GSDMC: variants seen among roughly 807,000 people sequenced by gnomAD.
GSDMC encodes the protein gasdermin C, also known as gasdermin-C.
A neutral mutation model predicts 58.0 loss-of-function variants in GSDMC; 59 were observed. That is an observed-to-expected ratio of 1.02 (90% CI 0.82 to 1.26). GSDMC has a LOEUF of 1.26. Ranked by LOEUF, GSDMC falls within the 50% of genes most tolerant of loss-of-function variation. The pLI is 0.00. For missense variants in GSDMC, 659 were observed against 598.5 expected, an observed-to-expected ratio of 1.10 and a Z score of -1.06; for synonymous variants, 241 against 220.2, an observed-to-expected ratio of 1.09 and a Z score of -0.83.
chr8:129,747,183 G>A (rs1388180769), downstream of GSDMC, among the ~76,000 whole-genome samples: 1 of 151,956 alleles, frequency 6.6e-6, no homozygotes, highest in Non-Finnish European at 1.5e-5. Flanking sequence ...CTTGAACCTG[G>A]GAGGTGGAGG....
chr8:129,725,912 A>G, the GSDMC span, among the ~76,000 whole-genome samples: 1 of 152,348 alleles, frequency 6.6e-6, no homozygotes, highest in Non-Finnish European at 1.5e-5. Context: ...AGAACTTTGT[A>G]TCCACCAAGA....
chr8:129,726,773 C>G, the GSDMC span, among the ~76,000 whole-genome samples: 1 of 134,320 alleles, frequency 7.4e-6, no homozygotes, highest in East Asian at 2.6e-4. Flanking sequence ...CCTCCCCCCA[C>G]CCACCCCCTG....
At position 129,748,744 on chromosome 8, in the gene GSDMC, G is replaced by A. The variant is rs774910688; in HGVS notation, c.1288-4C>T. On this transcript the variant is annotated splice_region_variant and splice_polypyrimidine_tract_variant and intron_variant, in intron 13 of 13. Coordinates refer to ENST00000276708, the MANE Select transcript of GSDMC (RefSeq NM_031415.3). ...TTGGCTCCAGGATGCTCCTTACCTA[G>A]AAGAAAGATGATCAGGTTCTACAGA... 9.3e-6 allele frequency: 14 copies of A among 1,509,956 alleles called. No homozygotes were observed. In the Admixed American group the frequency reaches 3.0e-4, roughly 32 times the overall value. The allele number at this position is 1,509,956 out of a possible 1,614,324, so 93.5% of individuals were successfully genotyped here. A position where few individuals can be genotyped will look rare whatever the true frequency, so the allele number is the denominator to read the frequency against.
chr8:129,729,594 A>G, the GSDMC span, among the ~76,000 whole-genome samples: 1 of 152,092 alleles, frequency 6.6e-6, no homozygotes, highest in Admixed American at 6.6e-5. Context: ...GTTTGCTGAG[A>G]ATGATGGTTT....
At chr8:129,730,594 A>G in the GSDMC span, 4 of 285,776 alleles carry the variant, frequency 1.4e-5, no homozygotes, top group South Asian at 2.1e-4. Context: ...GATAATTTAC[A>G]CAGATCTCTT....
the GSDMC span, among the ~76,000 whole-genome samples, chr8:129,734,245 C>G: frequency 3.3e-4 from 50 of 152,196 alleles, no homozygotes; most frequent in Non-Finnish European, 8.8e-5. Context: ...AGTTGGAAAA[C>G]ACTCTTCAGG....
intron 6 of GSDMC, among the ~76,000 whole-genome samples, chr8:129,756,681 A>T (rs999664064): frequency 2.6e-5 from 4 of 152,212 alleles, no homozygotes; most frequent in African/African-American, 9.6e-5. Context: ...AAAACATTCC[A>T]AAATATTGAA....
Position 129,777,452 on chromosome 8 carries a change from G to A in GSDMC, c.136C>T (p.Arg46Cys), listed in dbSNP as rs140640562. ...FVILRKKKDS[R>C]SSFWEQSDYV... ...TCAGATTGTTCCCAAAATGATGAAC[G>A]AGAATCCTTCTTCTTTCGTAATATA... Residue 46 changes from arginine to cysteine, a missense_variant, in exon 2 of 14, where the codon CGT becomes TGT. Coordinates refer to ENST00000276708, the MANE Select transcript of GSDMC (RefSeq NM_031415.3). The A allele has an allele frequency of 2.6e-4, 418 of 1,613,160 alleles. No homozygotes were observed. Among genetic ancestry groups the A allele is most frequent in the Non-Finnish European group, 3.2e-4 (383 of 1,179,224 alleles).
chr8:129,779,084 T>C (rs916800109), intron 1 of GSDMC, among the ~76,000 whole-genome samples: 3 of 152,202 alleles, frequency 2.0e-5, no homozygotes, highest in African/African-American at 7.2e-5. Context: ...AGAAATACCA[T>C]CTGACCCAGC....
At chr8:129,715,795 T>C in the GSDMC span, among the ~76,000 whole-genome samples, 1 of 152,206 alleles carries the variant, frequency 6.6e-6, no homozygotes, top group Non-Finnish European at 1.5e-5. Context: ...TAAGATTTTT[T>C]ATTATTTAAA....
intron 3 of GSDMC, 81 bp from the exon 4 acceptor site, chr8:129,765,874 A>G (rs2033840698): frequency 8.5e-7 from 1 of 1,171,310 alleles, no homozygotes; most frequent in Non-Finnish European, 1.2e-6. Context: ...CCTTCTCCCC[A>G]AGACCTGGGA....
chr8:129,764,149 G>A (rs1461140900), intron 4 of GSDMC, among the ~76,000 whole-genome samples: 1 of 151,524 alleles, frequency 6.6e-6, no homozygotes, highest in Non-Finnish European at 1.5e-5. Flanking sequence ...AAGTGTTTTT[G>A]TTTTGGGTTT....
rs1398997733 is a variant in GSDMC at position 129,772,239 on chromosome 8, C to A, written c.404+3863G>T. On this transcript the variant is annotated intron_variant, in intron 3 of 13. Transcript: ENST00000276708. ...TCGCGCCACTGCACTCCAGCCTGGG[C>A]GACAGAGCGAGACTCCGTCTCAAAA... Among the ~76,000 whole-genome samples, 15 of 124,232 alleles carry A rather than the reference C, an allele frequency of 1.2e-4. No homozygotes were observed. In the South Asian group the frequency reaches 2.7e-3, roughly 23 times the overall value. 81.5% of individuals were successfully genotyped at this position (124,232 alleles called of 152,430 possible).
At chr8:129,762,535 A>G in intron 5 of GSDMC, 91 bp downstream of exon 5, 1 of 811,540 alleles carries the variant, frequency 1.2e-6, no homozygotes. Context: ...CAAAGGTTGC[A>G]TACTATGGTT....
At chr8:129,773,785 CAAAA>C (rs3078753) in intron 3 of GSDMC, among the ~76,000 whole-genome samples, 1 of 77,790 alleles carries the variant, frequency 1.3e-5, no homozygotes, top group Non-Finnish European at 2.5e-5. Flanking sequence ...GACTCTGTCT[CAAAA>C]AAAAAAAAAA....
At chr8:129,724,881 G>A in the GSDMC span, among the ~76,000 whole-genome samples, 1 of 152,130 alleles carries the variant, frequency 6.6e-6, no homozygotes, top group Non-Finnish European at 1.5e-5. Context: ...CATAGTTTGA[G>A]GAGCCCAGCT....
the GSDMC span, among the ~76,000 whole-genome samples, chr8:129,710,845 G>A: frequency 2.0e-5 from 3 of 152,204 alleles, no homozygotes; most frequent in Admixed American, 6.5e-5. Flanking sequence ...AAGGGCAGAC[G>A]AGGCCAGCAA....
chr8:129,732,269 T>C, the GSDMC span, among the ~76,000 whole-genome samples: 15 of 148,616 alleles, frequency 1.0e-4, no homozygotes, highest in South Asian at 1.3e-3. Context: ...GTGAGAAATA[T>C]ATTTCTGTTC....
intron 11 of GSDMC, 109 bp from the exon 12 acceptor site, chr8:129,750,228 C>T: frequency 5.6e-6 from 6 of 1,073,498 alleles, no homozygotes; most frequent in Non-Finnish European, 7.8e-6. Flanking sequence ...GGGTTCTCTA[C>T]CTCCCCCAGG....
Sources: allele counts gnomAD v4.1 joint callset (sites outside exome capture counted in the v4.1 genomes callset), GRCh38; gene constraint gnomAD v4.1.1; transcripts MANE v1.5; gene names NCBI Gene and HGNC (gene_info 2026-07-23, HGNC 2026-07-21).